GADL1: variants seen among roughly 807,000 people sequenced by gnomAD.
GADL1 encodes acidic amino acid decarboxylase GADL1.
GADL1 carries 71 observed loss-of-function variants against 69.5 expected under a neutral mutation model. The observed-to-expected ratio is 1.02, with a 90% CI of 0.84 to 1.25. GADL1 has a LOEUF of 1.25. GADL1 is among the 50% of genes most tolerant of loss of function. The pLI, the probability that GADL1 is intolerant of heterozygous loss-of-function variation, is 0.00. For synonymous variants in GADL1, 254 were observed against 214.4 expected (o/e 1.18, Z -1.62); for missense variants, 737 against 631.8 (o/e 1.17, Z -1.79).
In GADL1 at chr3:30,854,806, G is replaced by A; in HGVS notation, c.338-17C>T. The A allele has an allele frequency of 7.2e-7, 1 of 1,379,926 alleles. No homozygotes were observed. Among genetic ancestry groups the A allele is most frequent in the Non-Finnish European group, 1.0e-6 (1 of 992,930 alleles). The allele number at this position is 1,379,926 out of a possible 1,614,324, so 85.5% of individuals were successfully genotyped here. ...TTGGGTGGTCTGTAAATTTAAAATG[G>A]AGTATTCATCTATGCAGCAATAAAA... On this transcript the variant is annotated splice_polypyrimidine_tract_variant and intron_variant, in intron 3 of 14. Coordinates refer to ENST00000282538, the MANE Select transcript of GADL1 (RefSeq NM_207359.3).
intron 1 of GADL1, among the ~76,000 whole-genome samples, chr3:30,867,346 C>A (rs1389905): frequency 0.52 from 77,688 of 150,006 alleles, 23,614 homozygotes; most frequent in African/African-American, 0.84. Context: ...CCTCTCTCTA[C>A]TCCTTTAATA....
intron 13 of GADL1, among the ~76,000 whole-genome samples, chr3:30,779,746 G>A (rs1192396096): frequency 1.3e-5 from 2 of 152,190 alleles, no homozygotes; most frequent in Non-Finnish European, 2.9e-5. Flanking sequence ...ACTAGATTGT[G>A]TTATGTCAGT....
At chr3:30,730,500 A>G (rs1471008932) in intron 14 of GADL1, among the ~76,000 whole-genome samples, 1 of 152,172 alleles carries the variant, frequency 6.6e-6, no homozygotes. Context: ...CCCGAGCTGC[A>G]TAAGACAGAT....
intron 14 of GADL1, among the ~76,000 whole-genome samples, chr3:30,751,468 A>C (rs1695815317): frequency 6.6e-6 from 1 of 150,898 alleles, no homozygotes; most frequent in Non-Finnish European, 1.5e-5. Context: ...CTTCTGTTCA[A>C]CATTCCGAGA....
chr3:30,762,391 G>A (rs1696158822), intron 14 of GADL1, among the ~76,000 whole-genome samples: 1 of 152,114 alleles, frequency 6.6e-6, no homozygotes, highest in African/African-American at 2.4e-5. Flanking sequence ...TGTCAAGCAT[G>A]AAAAAATACA....
At position 30,831,820 on chromosome 3, in the gene GADL1, A is replaced by G. The variant is rs1173012075; in HGVS notation, c.1050+2033T>C. ...GGTGAATATTGGGAGATAGGCAAGAAGAGAAGGAGGCTGGAATGCCTGTTG... is the reference window on the plus strand; with the variant it reads ...GGTGAATATTGGGAGATAGGCAAGAGGAGAAGGAGGCTGGAATGCCTGTTG... On this transcript the variant is annotated intron_variant, in intron 11 of 14. Coordinates refer to ENST00000282538, the MANE Select transcript of GADL1 (RefSeq NM_207359.3). 3.3e-5 allele frequency among the ~76,000 whole-genome samples: 5 copies of G among 151,976 alleles called. 1 individual carries two copies. The highest frequency in any genetic ancestry group is 7.4e-5 in the Non-Finnish European group (5 of 67,938).
At chr3:30,872,553 T>G (rs199942302) in intron 1 of GADL1, among the ~76,000 whole-genome samples, 1 of 151,930 alleles carries the variant, frequency 6.6e-6, no homozygotes, top group East Asian at 1.9e-4. Context: ...GCTTGTTTAC[T>G]TGAGGCCATT....
intron 12 of GADL1, among the ~76,000 whole-genome samples, chr3:30,788,525 G>A (rs1696847564): frequency 6.6e-6 from 1 of 152,182 alleles, no homozygotes; most frequent in Admixed American, 6.5e-5. Flanking sequence ...AAGGCTGAAG[G>A]TCGGGGTGGC....
At chr3:30,826,404 G>A (rs902334582) in intron 11 of GADL1, among the ~76,000 whole-genome samples, 3 of 151,836 alleles carry the variant, frequency 2.0e-5, no homozygotes, top group South Asian at 2.1e-4. Context: ...CTGCCAAGAT[G>A]AGTGAATTCT....
At chr3:30,872,905 C>T (rs1479073150) in intron 1 of GADL1, among the ~76,000 whole-genome samples, 1 of 151,948 alleles carries the variant, frequency 6.6e-6, no homozygotes, top group Admixed American at 6.6e-5. Flanking sequence ...ACTAAGTATA[C>T]TCTCTTGACC....
intron 14 of GADL1, among the ~76,000 whole-genome samples, chr3:30,737,476 G>C (rs1237612009): frequency 6.6e-6 from 1 of 152,038 alleles, no homozygotes; most frequent in African/African-American, 2.4e-5. Flanking sequence ...TCTTAGTTTT[G>C]ATTGCTCAAA....
At chr3:30,818,768 G>A (rs1378807967) in intron 11 of GADL1, among the ~76,000 whole-genome samples, 4 of 152,162 alleles carry the variant, frequency 2.6e-5, no homozygotes, top group Non-Finnish European at 5.9e-5. Flanking sequence ...ACACTGAGGT[G>A]TGAAATTTCC....
At chr3:30,834,766 T>C (rs1473134369) in intron 9 of GADL1, among the ~76,000 whole-genome samples, 2 of 152,004 alleles carry the variant, frequency 1.3e-5, no homozygotes, top group African/African-American at 4.8e-5. Context: ...ATTAGATCAT[T>C]TTAGCTAAAT....
intron 14 of GADL1, 116 bp from the exon 15 acceptor site, chr3:30,728,531 C>A: frequency 1.4e-6 from 1 of 720,974 alleles, no homozygotes; most frequent in South Asian, 1.7e-5. Context: ...ATCCCATTCT[C>A]ATTCACACAA....
chr3:30,746,729 T>C (rs1380363233), intron 14 of GADL1, among the ~76,000 whole-genome samples: 1 of 152,162 alleles, frequency 6.6e-6, no homozygotes, highest in Non-Finnish European at 1.5e-5. Flanking sequence ...AAAAGTGACA[T>C]ATAAGTTGGA....
chr3:30,865,303 ATATT>A (rs201633362), intron 1 of GADL1, among the ~76,000 whole-genome samples: 11 of 71,364 alleles, frequency 1.5e-4, no homozygotes, highest in East Asian at 1.7e-3. Context: ...ATATATATAT[ATATT>A]TTTTAATATC....
chr3:30,879,078 C>T (rs1698611970), intron 1 of GADL1, among the ~76,000 whole-genome samples: 1 of 151,810 alleles, frequency 6.6e-6, no homozygotes, highest in South Asian at 2.1e-4. Flanking sequence ...TGGATCACTG[C>T]AGTGTGTACT....
chr3:30,827,808 A>G (rs1031347066), intron 11 of GADL1, among the ~76,000 whole-genome samples: 2 of 151,934 alleles, frequency 1.3e-5, no homozygotes, highest in African/African-American at 4.8e-5. Flanking sequence ...AAGGTCTGGG[A>G]AGAATTTTCT....
At position 30,768,434 on chromosome 3, in the gene GADL1, G is replaced by A. The variant is rs1696336445; in HGVS notation, c.1392+9745C>T. Reference sequence around the variant, plus strand: ...AAAGAGACAGTGAAGTAGCTTGAGGGGAAAACATTAAGGAAAAATTGTCAT... The same window carrying A: ...AAAGAGACAGTGAAGTAGCTTGAGGAGAAAACATTAAGGAAAAATTGTCAT... On this transcript the variant is annotated intron_variant, in intron 14 of 14. Coordinates refer to ENST00000282538, the MANE Select transcript of GADL1 (RefSeq NM_207359.3). Among the ~76,000 whole-genome samples the A allele has an allele frequency of 2.0e-5, 3 of 151,950 alleles. No individual in the cohort carries two copies. The South Asian group carries it at 6.2e-4, about 32-fold the overall frequency.
Sources: gnomAD v4.1 joint callset for allele counts (sites outside exome capture counted in the v4.1 genomes callset) on GRCh38, gnomAD v4.1.1 for gene constraint, MANE v1.5 for transcripts, NCBI Gene and HGNC (gene_info 2026-07-23, HGNC 2026-07-21) for gene names.